The following NRCAM variants were observed in gnomAD, a reference collection of about 807,000 sequenced individuals.
NRCAM encodes the protein NgCAM-related cell adhesion molecule.
Under a neutral mutation model 156.5 loss-of-function variants are expected in NRCAM, and 83 were observed. That is an observed-to-expected ratio of 0.53 (90% CI 0.44 to 0.64). NRCAM has a LOEUF of 0.64. Ranked by LOEUF, NRCAM falls within the 30% of genes least tolerant of loss-of-function variation. NRCAM has a pLI of 0.00. For synonymous variants in NRCAM, 538 were observed against 563.9 expected (o/e 0.95, Z 0.65); for missense variants, 1,417 against 1,597.3 (o/e 0.89, Z 1.92).
chr7:108,177,624 AATATATATATATATATATATATAT>A (rs59391934), intron 26 of NRCAM, among the ~76,000 whole-genome samples: 1 of 80,600 alleles, frequency 1.2e-5, no homozygotes, highest in Non-Finnish European at 2.9e-5. Context: ...CTCCATCTCA[AATATATATATATATATATATATAT>A]ATATATATAT....
chr7:108,340,165 T>A (rs2099259344), intron 2 of NRCAM, among the ~76,000 whole-genome samples: 1 of 151,618 alleles, frequency 6.6e-6, no homozygotes, highest in African/African-American at 2.4e-5. Flanking sequence ...CTTCTCCAAC[T>A]AATAAGCAAC....
chr7:108,155,348 A>C (rs2151125013), intron 32 of NRCAM, among the ~76,000 whole-genome samples: 1 of 152,118 alleles, frequency 6.6e-6, no homozygotes, highest in East Asian at 1.9e-4. Flanking sequence ...AATCATATTC[A>C]CAGTGCTGGC....
chr7:108,390,064 C>T (rs1183802578), intron 2 of NRCAM, among the ~76,000 whole-genome samples: 3 of 152,170 alleles, frequency 2.0e-5, no homozygotes, highest in Non-Finnish European at 4.4e-5. Context: ...ATGATGCTGG[C>T]CTCATAAAAT....
At chr7:108,363,387 G>C (rs555369447) in intron 2 of NRCAM, among the ~76,000 whole-genome samples, 1 of 151,950 alleles carries the variant, frequency 6.6e-6, no homozygotes, top group Non-Finnish European at 1.5e-5. Flanking sequence ...CAGGTTCAAC[G>C]GATCCTCCCA....
chr7:108,396,034 T>TC (rs2099775889), intron 2 of NRCAM, among the ~76,000 whole-genome samples: 1 of 152,118 alleles, frequency 6.6e-6, no homozygotes, highest in Non-Finnish European at 1.5e-5. Flanking sequence ...TGCCAATGTC[T>TC]CCCCACAGCA....
intron 3 of NRCAM, among the ~76,000 whole-genome samples, chr7:108,256,118 G>C (rs2096648143): frequency 6.6e-6 from 1 of 152,166 alleles, no homozygotes; most frequent in African/African-American, 2.4e-5. Context: ...ACCCCGTCTG[G>C]GAGGTGTACC....
intron 3 of NRCAM, among the ~76,000 whole-genome samples, chr7:108,246,829 G>GC (rs2095968144): frequency 6.6e-6 from 1 of 152,166 alleles, no homozygotes; most frequent in Admixed American, 6.5e-5. Flanking sequence ...TGCATTGGTG[G>GC]CCCCAGGAAG....
chr7:108,368,405 A>G (rs563628615), intron 2 of NRCAM, among the ~76,000 whole-genome samples: 1 of 152,056 alleles, frequency 6.6e-6, no homozygotes, highest in Non-Finnish European at 1.5e-5. Flanking sequence ...TGCTAAATAC[A>G]TACACACGCA....
chr7:108,176,238 C>A (rs1203514040), intron 27 of NRCAM, among the ~76,000 whole-genome samples, 192 bp downstream of exon 27: 1 of 152,090 alleles, frequency 6.6e-6, no homozygotes, highest in African/African-American at 2.4e-5. Flanking sequence ...GAAAGTTTCA[C>A]ATGGAGTTGA....
At chr7:108,337,601 T>C (rs755469155) in intron 2 of NRCAM, among the ~76,000 whole-genome samples, 1 of 152,186 alleles carries the variant, frequency 6.6e-6, no homozygotes, top group African/African-American at 2.4e-5. Context: ...AGTCACTGGG[T>C]TCCACAGTTC....
intron 3 of NRCAM, among the ~76,000 whole-genome samples, chr7:108,299,439 C>A (rs1480825309): frequency 2.6e-5 from 4 of 152,072 alleles, no homozygotes; most frequent in African/African-American, 9.7e-5. Context: ...AATGACACTA[C>A]AGTCCAAGAA....
At chr7:108,432,826 T>C (rs538051709) in intron 1 of NRCAM, among the ~76,000 whole-genome samples, 12 of 151,638 alleles carry the variant, frequency 7.9e-5, no homozygotes, top group African/African-American at 2.7e-4. Context: ...GGCTGGAACC[T>C]GGGAGGCAGA....
intron 32 of NRCAM, among the ~76,000 whole-genome samples, chr7:108,157,409 C>T (rs910238629): frequency 5.3e-5 from 8 of 152,030 alleles, no homozygotes; most frequent in African/African-American, 7.2e-5. Flanking sequence ...ATACTTGCCA[C>T]GTACTGCTCC....
At chr7:108,411,236 T>C (rs1794965345) in intron 1 of NRCAM, among the ~76,000 whole-genome samples, 1 of 152,176 alleles carries the variant, frequency 6.6e-6, no homozygotes, top group South Asian at 2.1e-4. Context: ...AGCACTAACA[T>C]GAAAATTTCC....
chr7:108,344,449 T>C (rs748897233), intron 2 of NRCAM, among the ~76,000 whole-genome samples: 17 of 152,100 alleles, frequency 1.1e-4, no homozygotes, highest in Middle Eastern at 3.2e-3. Context: ...CCCCTCCTTT[T>C]GCATGGGAGC....
chr7:108,287,495 T>C (rs957034787), intron 3 of NRCAM, among the ~76,000 whole-genome samples: 12 of 151,576 alleles, frequency 7.9e-5, no homozygotes, highest in African/African-American at 2.9e-4. Context: ...AAAAAACAAA[T>C]AATCCCATTA....
intron 28 of NRCAM, among the ~76,000 whole-genome samples, chr7:108,174,350 G>A (rs2059670568): frequency 6.6e-6 from 1 of 152,204 alleles, no homozygotes; most frequent in Admixed American, 6.5e-5. Flanking sequence ...AATCTATCAA[G>A]TCTAAGCTCA....
At chr7:108,318,247 G>A (rs1316592018) in intron 2 of NRCAM, among the ~76,000 whole-genome samples, 6 of 151,644 alleles carry the variant, frequency 4.0e-5, no homozygotes, top group Non-Finnish European at 7.4e-5. Context: ...GGGTTTCACT[G>A]TGTTAGCCAG....
chr7:108,412,298 C>T (rs564590753), intron 1 of NRCAM, among the ~76,000 whole-genome samples: 1 of 151,718 alleles, frequency 6.6e-6, no homozygotes, highest in East Asian at 1.9e-4. Flanking sequence ...TAAATTATCA[C>T]AGCAAATGTC....
Sources: allele counts gnomAD v4.1 joint callset (sites outside exome capture counted in the v4.1 genomes callset), GRCh38; gene constraint gnomAD v4.1.1; transcripts MANE v1.5; gene names NCBI Gene and HGNC (gene_info 2026-07-23, HGNC 2026-07-21).